Variants in RPS6KC1 observed in about 807,000 individuals in gnomAD.
RPS6KC1 encodes ribosomal protein S6 kinase C1, also known as inactive ribosomal protein S6 kinase delta-1.
A neutral mutation model predicts 103.8 loss-of-function variants in RPS6KC1; 54 were observed. The ratio of observed to expected loss-of-function variants is 0.52; its 90% confidence interval spans 0.42 to 0.65. The LOEUF is 0.65. RPS6KC1 is among the 30% of genes least tolerant of loss of function. RPS6KC1 has a pLI of 0.00. For synonymous variants in RPS6KC1, 439 were observed against 438.7 expected, an observed-to-expected ratio of 1.00 and a Z score of -0.01; for missense variants, 1,151 against 1,253.8, an observed-to-expected ratio of 0.92 and a Z score of 1.24.
chr1:213,818,586 T>A, the RPS6KC1 span: 1 of 152,358 alleles, frequency 6.6e-6, no homozygotes. Flanking sequence ...TATGTCTGTA[T>A]AGACTTCATG....
the RPS6KC1 span, among the ~76,000 whole-genome samples, chr1:213,509,688 A>G: frequency 2.9e-4 from 44 of 152,332 alleles, no homozygotes; most frequent in Middle Eastern, 3.4e-3. Context: ...AGAAATGCCA[A>G]TTCTTAGGTA....
intron 7 of RPS6KC1, among the ~76,000 whole-genome samples, chr1:213,175,147 C>G (rs2091781238): frequency 6.6e-6 from 1 of 152,126 alleles, no homozygotes; most frequent in East Asian, 1.9e-4. Flanking sequence ...AAGTAACCTC[C>G]CTCCCTAGAT....
the RPS6KC1 span, chr1:213,836,124 G>A: frequency 3.9e-5 from 6 of 151,936 alleles, no homozygotes; most frequent in African/African-American, 1.5e-4. Flanking sequence ...AAACACACAG[G>A]AGTCATCTTA....
the RPS6KC1 span, among the ~76,000 whole-genome samples, chr1:213,676,658 T>C: frequency 6.6e-6 from 1 of 152,224 alleles, no homozygotes; most frequent in Non-Finnish European, 1.5e-5. Flanking sequence ...CATTTCACTT[T>C]GCACTTTTGA....
intron 8 of RPS6KC1, among the ~76,000 whole-genome samples, chr1:213,224,309 A>T (rs1558575653): frequency 6.6e-6 from 1 of 152,208 alleles, no homozygotes; most frequent in Non-Finnish European, 1.5e-5. Context: ...GGGAAAAGTG[A>T]AACTTGTGGA....
the RPS6KC1 span, among the ~76,000 whole-genome samples, chr1:213,414,101 G>C: frequency 6.6e-6 from 1 of 152,252 alleles, no homozygotes; most frequent in South Asian, 2.1e-4. Context: ...ATTTTGACAG[G>C]CCTGGAGGTG....
chr1:213,806,795 G>A, the RPS6KC1 span, among the ~76,000 whole-genome samples: 1 of 147,392 alleles, frequency 6.8e-6, no homozygotes, highest in African/African-American at 2.5e-5. Flanking sequence ...AGTTAATATT[G>A]TTATGTGTGA....
chr1:213,622,761 G>T, the RPS6KC1 span, among the ~76,000 whole-genome samples: 2,342 of 152,228 alleles, frequency 0.015, 26 homozygotes, highest in Non-Finnish European at 0.022. Flanking sequence ...ACCAGGCTTT[G>T]CTCCCTTTCT....
At chr1:213,660,287 T>G in the RPS6KC1 span, among the ~76,000 whole-genome samples, 1 of 152,156 alleles carries the variant, frequency 6.6e-6, no homozygotes, top group Non-Finnish European at 1.5e-5. Context: ...CTCTAGGGAA[T>G]GTAAAAAATG....
the RPS6KC1 span, among the ~76,000 whole-genome samples, chr1:213,569,326 T>C: frequency 0.46 from 69,417 of 151,968 alleles, 17,316 homozygotes; most frequent in African/African-American, 0.68. Context: ...TCTGTTGCAT[T>C]GTAAATGTTG....
At chr1:213,301,302 G>A in the RPS6KC1 span, among the ~76,000 whole-genome samples, 1 of 152,264 alleles carries the variant, frequency 6.6e-6, no homozygotes, top group South Asian at 2.1e-4. Context: ...GGTGCCCTAG[G>A]ACTTCTAGCT....
chr1:213,515,413 A>G, the RPS6KC1 span, among the ~76,000 whole-genome samples: 14 of 152,154 alleles, frequency 9.2e-5, no homozygotes, highest in African/African-American at 1.9e-4. Flanking sequence ...TGTATAAGGT[A>G]TAAGGAAGGG....
At chr1:213,332,776 C>A in the RPS6KC1 span, among the ~76,000 whole-genome samples, 27 of 152,192 alleles carry the variant, frequency 1.8e-4, no homozygotes, top group African/African-American at 6.0e-4. Flanking sequence ...AGGACAACTT[C>A]TTCCTTATAT....
At chr1:213,216,072 T>C (rs938195566) in intron 8 of RPS6KC1, among the ~76,000 whole-genome samples, 2 of 152,132 alleles carry the variant, frequency 1.3e-5, no homozygotes, top group African/African-American at 2.4e-5. Flanking sequence ...AATTAAAAGA[T>C]ACAGACTGGC....
At chr1:213,179,196 C>T (rs1048986094) in intron 8 of RPS6KC1, among the ~76,000 whole-genome samples, 2 of 151,974 alleles carry the variant, frequency 1.3e-5, no homozygotes, top group Non-Finnish European at 2.9e-5. Context: ...GGGCAGATCA[C>T]CTGAGGTCAG....
the RPS6KC1 span, among the ~76,000 whole-genome samples, chr1:213,375,268 T>A: frequency 6.6e-6 from 1 of 151,676 alleles, no homozygotes; most frequent in Non-Finnish European, 1.5e-5. Context: ...TACACACATA[T>A]ACACATACAT....
chr1:213,373,175 C>T, the RPS6KC1 span, among the ~76,000 whole-genome samples: 6 of 152,154 alleles, frequency 3.9e-5, no homozygotes, highest in Admixed American at 6.5e-5. Context: ...GGGTAGCATG[C>T]CCATTTTTAC....
intron 8 of RPS6KC1, among the ~76,000 whole-genome samples, chr1:213,222,118 A>G (rs969849858): frequency 2.7e-4 from 41 of 152,080 alleles, no homozygotes; most frequent in African/African-American, 9.7e-4. Flanking sequence ...GGCACAACAT[A>G]TTTTGCTTTT....
At chr1:213,418,578 G>A in the RPS6KC1 span, among the ~76,000 whole-genome samples, 3 of 152,142 alleles carry the variant, frequency 2.0e-5, no homozygotes, top group Non-Finnish European at 4.4e-5. Flanking sequence ...TTCGCCATAT[G>A]GAGAGCAGGG....
Sources: allele counts gnomAD v4.1 joint callset (sites outside exome capture counted in the v4.1 genomes callset), GRCh38; gene constraint gnomAD v4.1.1; transcripts MANE v1.5; gene names NCBI Gene and HGNC (gene_info 2026-07-23, HGNC 2026-07-21).